TRIM62: variants seen among roughly 807,000 people sequenced by gnomAD.
TRIM62 encodes the protein tripartite motif containing 62, also known as E3 ubiquitin-protein ligase TRIM62.
In TRIM62, 39 loss-of-function variants were observed where a neutral mutation model predicts 44.2. The ratio of observed to expected loss-of-function variants is 0.88; its 90% CI spans 0.68 to 1.15. The LOEUF (loss-of-function observed/expected upper bound fraction) is 1.15. TRIM62 is among the 50% of genes most tolerant of loss of function. The pLI, the probability that TRIM62 is intolerant of heterozygous loss-of-function variation, is 0.00. For missense variants in TRIM62, 544 were observed against 665.5 expected (o/e 0.82, Z 2.01); for synonymous variants, 278 against 292.3 (o/e 0.95, Z 0.50).
chr1:33,155,501 T>A (rs1645165666), intron 4 of TRIM62, among the ~76,000 whole-genome samples: 1 of 152,042 alleles, frequency 6.6e-6, no homozygotes, highest in Non-Finnish European at 1.5e-5. Flanking sequence ...TGAGCCTTGG[T>A]CTCCCCAGCC....
Position 33,159,889 on chromosome 1 carries a change from C to T in TRIM62, c.560G>A (p.Arg187Gln), listed in dbSNP as rs148104964. The T allele has an allele frequency of 3.8e-4, 607 of 1,610,942 alleles. 4 individuals are homozygous for T. Among genetic ancestry groups the T allele is most frequent in the Admixed American group, 1.0e-3 (60 of 60,026 alleles). The change falls in exon 3 of 5, where the codon CGG (arginine) becomes CAG (glutamine). Residue 187 changes from arginine (R) to glutamine (Q), a missense_variant. Arg to Gln is a conservative substitution (Grantham distance 43). Transcript: ENST00000291416. This position sits in a 1 kb window ranked among gnomAD's most constrained non-coding sequence, Gnocchi z 4.2. The stretch of plus-strand genomic sequence containing the variant: ...GGCCTTCTGGCGTTCACGCAGCAGC[C>T]GGTGCAGCCGCTCGAAGGCCTCGCC... ...TIGEAFERLH[R>Q]LLRERQKAML...
At chr1:33,155,488 C>T (rs369874775) in intron 4 of TRIM62, among the ~76,000 whole-genome samples, 6 of 152,190 alleles carry the variant, frequency 3.9e-5, no homozygotes, top group African/African-American at 1.4e-4. Context: ...CAGTGAGTCT[C>T]CCTGAGCCTT....
Position 33,165,851 on chromosome 1 carries a change from C to G in TRIM62, c.409-285G>C, listed in dbSNP as rs1191888559. ...ACTTCCACATACACACTCTCTGGCT[C>G]CCCACACTTGGCCCTGGATCCCCGC... On this transcript the variant is annotated intron_variant, in intron 1 of 4. Coordinates refer to ENST00000291416, the MANE Select transcript of TRIM62 (RefSeq NM_018207.3). This position sits in a 1 kb window ranked among gnomAD's most constrained non-coding sequence, Gnocchi z 4.0. 3.7e-6 allele frequency: 1 copy of G among 269,420 alleles called. No homozygotes were observed. Among genetic ancestry groups the G allele is most frequent in the Non-Finnish European group, 7.0e-6 (1 of 143,020 alleles). The allele number at this position is 269,420 out of a possible 1,614,324, so 16.7% of individuals were successfully genotyped here.
Position 33,147,557 on chromosome 1 carries a change from C to T in TRIM62, c.1048G>A (p.Val350Ile), listed in dbSNP as rs771712820. 28 of 1,614,084 alleles carry T rather than the reference C, an allele frequency of 1.7e-5. No homozygotes were observed. The highest frequency in any genetic ancestry group is 8.0e-5 in the African/African-American group (6 of 75,038). ...VLGSEAFSSG[V>I]HYWEVVVAEK... ...GCCACCACCACCTCCCAGTAGTGGA[C>T]GCCACTACTGAAGGCTTCAGAACCC... The change falls in exon 5 of 5, where the codon GTC becomes ATC. Residue 350 changes from valine to isoleucine, a missense_variant. Transcript: ENST00000291416. This position sits in a 1 kb window ranked among gnomAD's most constrained non-coding sequence, Gnocchi z 8.1.
rs1645027248 is a variant in TRIM62 at position 33,146,876 on chromosome 1, C to G, written c.*301G>C. The G allele has an allele frequency of 7.2e-6, 3 of 415,002 alleles. No homozygotes were observed. Among genetic ancestry groups the G allele is most frequent in the Non-Finnish European group, 1.3e-5 (3 of 226,208 alleles). 25.7% of individuals were successfully genotyped at this position (415,002 alleles called of 1,614,324 possible). A position where few individuals can be genotyped will look rare whatever the true frequency, so the allele number is the denominator to read the frequency against. On this transcript the variant is annotated 3_prime_UTR_variant, in exon 5 of 5. Coordinates refer to ENST00000291416, the MANE Select transcript of TRIM62 (RefSeq NM_018207.3). The stretch of plus-strand genomic sequence containing the variant: ...GAGGGAGACACTGGAAGGTAGTCCC[C>G]TGCCCCTGAGAAGATGGGGATGAGG...
rs1386561061 is a variant in TRIM62, at chr1:33,177,127, GCA to G, written c.408+3896_408+3897del. Reference sequence around the variant, plus strand: ...TGCACACACACATGCATGTACGCATGCACACACACGCACATGCACACCCACAG... The same window carrying G: ...TGCACACACACATGCATGTACGCATGCACACACGCACATGCACACCCACAG... On this transcript the variant is annotated intron_variant, in intron 1 of 4. Coordinates refer to ENST00000291416, the MANE Select transcript of TRIM62 (RefSeq NM_018207.3). This position sits in a 1 kb window ranked among gnomAD's most constrained non-coding sequence, Gnocchi z 4.1. Among the ~76,000 whole-genome samples, 1 of 151,512 alleles carries G rather than the reference GCA, an allele frequency of 6.6e-6. No homozygotes were observed. Among genetic ancestry groups the G allele is most frequent in the Admixed American group, 6.6e-5 (1 of 15,242 alleles).
chr1:33,165,521 C>A lies in TRIM62; in HGVS notation c.454G>T (p.Glu152Ter). ...QLQALQDSEREHTEALQLLKR... is the reference protein window; with the variant it reads ...QLQALQDSER ...AGCAGCTGCAGCGCTTCGGTGTGTT[C>A]CCGCTCGCTGTCTTGAAGGGCCTGA... The change falls in exon 2 of 5, where the codon GAA becomes TAA. Residue 152 changes from glutamate (E) to a stop codon, truncating the protein, a stop_gained. Transcript: ENST00000291416. LOFTEE classifies it high-confidence loss of function. The surrounding 1 kb of genome is among the most constrained non-coding windows in gnomAD (Gnocchi z 4.0). 6.2e-7 allele frequency: 1 copy of A among 1,610,904 alleles called. No individual in the cohort carries two copies. The highest frequency in any genetic ancestry group is 8.5e-7 in the Non-Finnish European group (1 of 1,178,708).
At position 33,165,635 on chromosome 1, in the gene TRIM62, T is replaced by G. The variant is rs770309919; in HGVS notation, c.409-69A>C. On this transcript the variant is annotated intron_variant, in intron 1 of 4. Transcript: ENST00000291416. The surrounding 1 kb of genome is among the most constrained non-coding windows in gnomAD (Gnocchi z 4.0). ...GGCCCAGGCATTCAGCCCTGACCACTGCCAGGCGCTGGGGGTTAGCCTGGT... is the reference window on the plus strand; with the variant it reads ...GGCCCAGGCATTCAGCCCTGACCACGGCCAGGCGCTGGGGGTTAGCCTGGT... 284 of 1,365,436 alleles carry G rather than the reference T, an allele frequency of 2.1e-4. No individual in the cohort carries two copies. The highest frequency in any genetic ancestry group is 2.7e-4 in the Non-Finnish European group (272 of 1,012,112). 84.6% of individuals were successfully genotyped at this position (1,365,436 alleles called of 1,614,324 possible). A position where few individuals can be genotyped will look rare whatever the true frequency, so the allele number is the denominator to read the frequency against.
At chr1:33,151,701 C>G (rs887486536) in intron 4 of TRIM62, among the ~76,000 whole-genome samples, 2 of 152,184 alleles carry the variant, frequency 1.3e-5, no homozygotes, top group Non-Finnish European at 2.9e-5. Context: ...TGAGGCAGCC[C>G]GTCTGGTCTC....
At chr1:33,156,188 C>G (rs1431654694) in intron 4 of TRIM62, among the ~76,000 whole-genome samples, 1 of 152,246 alleles carries the variant, frequency 6.6e-6, no homozygotes, top group East Asian at 1.9e-4. Flanking sequence ...ATTCTGTCCC[C>G]TCTACTGGAT....
At position 33,165,595 on chromosome 1, in the gene TRIM62, G is replaced by C; in HGVS notation, c.409-29C>G. On this transcript the variant is annotated intron_variant, in intron 1 of 4. Coordinates refer to ENST00000291416, the MANE Select transcript of TRIM62 (RefSeq NM_018207.3). The surrounding 1 kb of genome is among the most constrained non-coding windows in gnomAD (Gnocchi z 4.0). ...AAACACACACAGGGCCGGGATGGGG[G>C]CAGGGGCCATGCCTGGCCCAGGCAT... 1 of 1,572,942 alleles carries C rather than the reference G, an allele frequency of 6.4e-7. No homozygotes were observed. The highest frequency in any genetic ancestry group is 8.7e-7 in the Non-Finnish European group (1 of 1,154,654).
Position 33,165,238 on chromosome 1 carries a change from G to A in TRIM62, c.504+233C>T, listed in dbSNP as rs1645316103. 1.4e-5 allele frequency: 6 copies of A among 429,340 alleles called. No homozygotes were observed. The South Asian group carries it at 1.6e-4, about 11-fold the overall frequency. The allele number at this position is 429,340 out of a possible 1,614,324, so 26.6% of individuals were successfully genotyped here. A position where few individuals can be genotyped will look rare whatever the true frequency, so the allele number is the denominator to read the frequency against. The stretch of plus-strand genomic sequence containing the variant: ...AGAAATGGCCCCGTCCTTAACCGAG[G>A]GACCAGCCCACATCCTTGCCGCCAG... On this transcript the variant is annotated intron_variant, in intron 2 of 4. Coordinates refer to ENST00000291416, the MANE Select transcript of TRIM62 (RefSeq NM_018207.3). The surrounding 1 kb of genome is among the most constrained non-coding windows in gnomAD (Gnocchi z 4.0).
chr1:33,148,813 A>G (rs1318582570), intron 4 of TRIM62, among the ~76,000 whole-genome samples: 1 of 152,336 alleles, frequency 6.6e-6, no homozygotes, highest in South Asian at 2.1e-4. Flanking sequence ...GAAAACCATG[A>G]ATTCTAGGCC....
Position 33,159,849 on chromosome 1 carries a change from C to T in TRIM62, c.600G>A (p.Leu200=), listed in dbSNP as rs1390141373. 1.2e-6 allele frequency: 2 copies of T among 1,613,532 alleles called. No individual in the cohort carries two copies. The highest frequency in any genetic ancestry group is 1.7e-6 in the Non-Finnish European group (2 of 1,180,014). The change falls in exon 3 of 5, where the codon CTG becomes CTA. Residue 200 remains leucine (L), a synonymous_variant. Coordinates refer to ENST00000291416, the MANE Select transcript of TRIM62 (RefSeq NM_018207.3). This position sits in a 1 kb window ranked among gnomAD's most constrained non-coding sequence, Gnocchi z 4.2. ...RERQKAMLEE[L]EADTARTLTD... is the part of the protein sequence containing the mutation. ...TCAGCGTGCGGGCCGTGTCCGCCTC[C>T]AGCTCCTCTAGCATGGCCTTCTGGC... is the stretch of plus-strand genomic sequence containing the variant.
chr1:33,156,136 G>T (rs537002988), intron 4 of TRIM62, among the ~76,000 whole-genome samples: 1 of 152,344 alleles, frequency 6.6e-6, no homozygotes, highest in South Asian at 2.1e-4. Context: ...CTGGGCTGCA[G>T]TCAAGACTGT....
rs1469861511 is a variant in TRIM62 at position 33,161,541 on chromosome 1, G to T, written c.505-1597C>A. ...CTGGCCTGCAGGAAGAACTGCTGGCGGTGGGCCAGCCTCGCTGCGCATGCC... is the reference window on the plus strand; with the variant it reads ...CTGGCCTGCAGGAAGAACTGCTGGCTGTGGGCCAGCCTCGCTGCGCATGCC... On this transcript the variant is annotated intron_variant, in intron 2 of 4. Transcript: ENST00000291416. This position sits in a 1 kb window ranked among gnomAD's most constrained non-coding sequence, Gnocchi z 4.3. Among the ~76,000 whole-genome samples, 1 of 152,144 alleles carries T rather than the reference G, an allele frequency of 6.6e-6. No homozygotes were observed. The highest frequency in any genetic ancestry group is 1.5e-5 in the Non-Finnish European group (1 of 68,016).
intron 1 of TRIM62, among the ~76,000 whole-genome samples, chr1:33,170,377 C>T (rs984169755): frequency 2.0e-5 from 3 of 151,512 alleles, no homozygotes; most frequent in East Asian, 1.9e-4. Context: ...GGTGACAGAG[C>T]GAGACCCCAT....
At position 33,165,230 on chromosome 1, in the gene TRIM62, TA is replaced by T; in HGVS notation, c.504+240del. 1 of 413,574 alleles carries T rather than the reference TA, an allele frequency of 2.4e-6. No individual in the cohort carries two copies. Among genetic ancestry groups the T allele is most frequent in the Non-Finnish European group, 4.4e-6 (1 of 228,528 alleles). 25.6% of individuals were successfully genotyped at this position (413,574 alleles called of 1,614,324 possible). A position where few individuals can be genotyped will look rare whatever the true frequency, so the allele number is the denominator to read the frequency against. ...GGGAAGGGAGAAATGGCCCCGTCCTTAACCGAGGGACCAGCCCACATCCTTG... is the reference window on the plus strand; with the variant it reads ...GGGAAGGGAGAAATGGCCCCGTCCTTACCGAGGGACCAGCCCACATCCTTG... On this transcript the variant is annotated intron_variant, in intron 2 of 4. Transcript: ENST00000291416. This position sits in a 1 kb window ranked among gnomAD's most constrained non-coding sequence, Gnocchi z 4.0.
chr1:33,164,102 G>A (rs1001795472), intron 2 of TRIM62: 1 of 152,314 alleles, frequency 6.6e-6, no homozygotes, highest in African/African-American at 2.4e-5. Context: ...GACAGTTGGG[G>A]AAACTGAGGC....
Sources: allele counts gnomAD v4.1 joint callset (sites outside exome capture counted in the v4.1 genomes callset), GRCh38; gene constraint gnomAD v4.1.1; non-coding constraint Gnocchi (gnomAD v3.1); transcripts MANE v1.5; gene names NCBI Gene and HGNC (gene_info 2026-07-23, HGNC 2026-07-21).